Variants in HSDL1 observed in about 807,000 individuals in gnomAD.
HSDL1 encodes the protein inactive hydroxysteroid dehydrogenase-like protein 1.
A neutral mutation model predicts 31.5 loss-of-function variants in HSDL1; 29 were observed. That is an observed-to-expected ratio of 0.92 (90% CI 0.69 to 1.26). The LOEUF is 1.26. HSDL1 is among the 50% of genes most tolerant of loss of function. HSDL1 has a pLI of 0.00. For synonymous variants in HSDL1, 222 were observed against 155.2 expected, an observed-to-expected ratio of 1.43 and a Z score of -3.20; for missense variants, 503 against 416.6, an observed-to-expected ratio of 1.21 and a Z score of -1.81.
chr16:84,125,463 T>C (rs1187899710), intron 5 of HSDL1, among the ~76,000 whole-genome samples: 1 of 136,534 alleles, frequency 7.3e-6, no homozygotes, highest in Non-Finnish European at 1.6e-5. Flanking sequence ...TACCCACCAA[T>C]CAATCACAAT....
chr16:84,138,691 C>G (rs1175507691), intron 1 of HSDL1, among the ~76,000 whole-genome samples: 1 of 152,174 alleles, frequency 6.6e-6, no homozygotes, highest in Non-Finnish European at 1.5e-5. Context: ...ACTAAAACAT[C>G]TGTGAACAAA....
chr16:84,127,209 C>T (rs372798675), intron 5 of HSDL1, among the ~76,000 whole-genome samples: 86 of 93,386 alleles, frequency 9.2e-4, no homozygotes, highest in Non-Finnish European at 1.4e-3. Context: ...ACTGTTTCTT[C>T]TTTTTTTTTT....
rs569394045 is a variant in HSDL1, at chr16:84,123,670, G to A, written c.*960C>T. On this transcript the variant is annotated 3_prime_UTR_variant, in exon 6 of 6. Coordinates refer to ENST00000219439, the MANE Select transcript of HSDL1 (RefSeq NM_031463.5). ...ACTATTTCTATCAATAATGCTACTG[G>A]AATGGAATAATATTACATAGAAAAA... 1.3e-5 allele frequency: 2 copies of A among 152,602 alleles called. No homozygotes were observed. The highest frequency in any genetic ancestry group is 4.2e-4 in the South Asian group (2 of 4,814). 9.5% of individuals were successfully genotyped at this position (152,602 alleles called of 1,614,324 possible).
intron 1 of HSDL1, among the ~76,000 whole-genome samples, chr16:84,141,814 T>C (rs770347273): frequency 4.7e-4 from 71 of 152,254 alleles, no homozygotes; most frequent in Non-Finnish European, 8.5e-4. Flanking sequence ...TGCCCGTTCC[T>C]ATCTTTTGTC....
In HSDL1 at chr16:84,145,129, C is replaced by A. The variant is rs2086837970; in HGVS notation, c.-118G>T. 1 of 188,972 alleles carries A rather than the reference C, an allele frequency of 5.3e-6. No homozygotes were observed. Among genetic ancestry groups the A allele is most frequent in the South Asian group, 1.9e-4 (1 of 5,330 alleles). 11.7% of individuals were successfully genotyped at this position (188,972 alleles called of 1,614,324 possible). ...ACCGGTCCCGCCAGACCCGCGCGGC[C>A]GCCGCCCCCGTCTCGGCCGCCGGAG... is the stretch of plus-strand genomic sequence containing the variant. On this transcript the variant is annotated 5_prime_UTR_variant, in exon 1 of 6. Transcript: ENST00000219439.
At chr16:84,144,680 T>C (rs2151195444) in intron 1 of HSDL1, among the ~76,000 whole-genome samples, 1 of 144,682 alleles carries the variant, frequency 6.9e-6, no homozygotes, top group Admixed American at 6.8e-5. Flanking sequence ...AGGAGCCGGG[T>C]GAGAGGCTGC....
intron 1 of HSDL1, among the ~76,000 whole-genome samples, chr16:84,141,177 T>C (rs1189086440): frequency 6.6e-6 from 1 of 152,132 alleles, no homozygotes; most frequent in African/African-American, 2.4e-5. Context: ...CTTTGGTGAC[T>C]TGTTTCTTTC....
Position 84,123,314 on chromosome 16 carries a change from C to T in HSDL1, c.*1316G>A, listed in dbSNP as rs2086572904. Reference sequence around the variant, plus strand: ...ACAGAAGTCCAGACTTTTAACCAATCTACTAGCTTCTGCATCAGTATCACA... The same window carrying T: ...ACAGAAGTCCAGACTTTTAACCAATTTACTAGCTTCTGCATCAGTATCACA... On this transcript the variant is annotated 3_prime_UTR_variant, in exon 6 of 6. Transcript: ENST00000219439. 2 of 152,228 alleles carry T rather than the reference C, an allele frequency of 1.3e-5. No individual in the cohort carries two copies. Among genetic ancestry groups the T allele is most frequent in the African/African-American group, 4.8e-5 (2 of 41,448 alleles). 9.4% of individuals were successfully genotyped at this position (152,228 alleles called of 1,614,324 possible).
At chr16:84,127,428 C>T (rs2086620320) in intron 5 of HSDL1, among the ~76,000 whole-genome samples, 1 of 151,596 alleles carries the variant, frequency 6.6e-6, no homozygotes, top group Non-Finnish European at 1.5e-5. Context: ...GTTGGCAAGG[C>T]TGGTCTCGAA....
chr16:84,125,934 TCTA>T (rs2086602175), intron 5 of HSDL1, among the ~76,000 whole-genome samples: 1 of 151,972 alleles, frequency 6.6e-6, no homozygotes, highest in Non-Finnish European at 1.5e-5. Flanking sequence ...AAACCCCATC[TCTA>T]CTAAAAATAC....
In HSDL1 at chr16:84,129,980, T is replaced by C. The variant is rs760156977; in HGVS notation, c.666+6A>G. 8 of 1,610,810 alleles carry C rather than the reference T, an allele frequency of 5.0e-6. No individual in the cohort carries two copies. In the African/African-American group the frequency reaches 1.1e-4, roughly 22 times the overall value. The stretch of plus-strand genomic sequence containing the variant: ...GGATTTCATCTTCCAGTAAGTAACA[T>C]CTGACCTTAGAAGCAGAAAATGCAG... On this transcript the variant is annotated splice_donor_region_variant and intron_variant, in intron 4 of 5. Transcript: ENST00000219439.
intron 2 of HSDL1, among the ~76,000 whole-genome samples, chr16:84,134,580 C>G (rs1411021270): frequency 6.6e-6 from 1 of 152,098 alleles, no homozygotes; most frequent in Non-Finnish European, 1.5e-5. Flanking sequence ...CCACTGCACT[C>G]CAGCCTGGGC....
chr16:84,142,004 T>G (rs2086773474), intron 1 of HSDL1, among the ~76,000 whole-genome samples: 1 of 152,252 alleles, frequency 6.6e-6, no homozygotes, highest in African/African-American at 2.4e-5. Context: ...CACAGCTCAC[T>G]GCAACCTCCG....
At chr16:84,137,709 C>T (rs187786126) in intron 1 of HSDL1, among the ~76,000 whole-genome samples, 1 of 152,202 alleles carries the variant, frequency 6.6e-6, no homozygotes, top group Non-Finnish European at 1.5e-5. Context: ...CTTCCCCACC[C>T]TTCTGTACAT....
chr16:84,128,101 CA>C (rs2086627192), intron 5 of HSDL1, among the ~76,000 whole-genome samples: 2 of 151,276 alleles, frequency 1.3e-5, no homozygotes, highest in Non-Finnish European at 2.9e-5. Flanking sequence ...CCAGCCTGAC[CA>C]ACATGGTGAA....
At chr16:84,139,527 C>T (rs947222704) in intron 1 of HSDL1, among the ~76,000 whole-genome samples, 12 of 152,204 alleles carry the variant, frequency 7.9e-5, no homozygotes, top group African/African-American at 2.7e-4. Flanking sequence ...CTGCTGACAC[C>T]TTGACTTTAG....
intron 5 of HSDL1, among the ~76,000 whole-genome samples, chr16:84,125,471 A>G (rs2086597048): frequency 6.6e-6 from 1 of 150,958 alleles, no homozygotes; most frequent in Non-Finnish European, 1.5e-5. Context: ...AATCAATCAC[A>G]ATAAATACCC....
intron 1 of HSDL1, among the ~76,000 whole-genome samples, chr16:84,144,049 CCTCCCT>C (rs930146202): frequency 1.3e-4 from 19 of 147,018 alleles, no homozygotes; most frequent in East Asian, 4.1e-4. Flanking sequence ...TCCCCCTCCC[CCTCCCT>C]CTCCCTCTCC....
chr16:84,137,504 G>A (rs528066753), intron 1 of HSDL1, among the ~76,000 whole-genome samples: 1 of 152,284 alleles, frequency 6.6e-6, no homozygotes, highest in South Asian at 2.1e-4. Context: ...GGAAGGTAAC[G>A]CAGCAGGGGA....
Sources: gnomAD v4.1 joint callset for allele counts (sites outside exome capture counted in the v4.1 genomes callset) on GRCh38, gnomAD v4.1.1 for gene constraint, MANE v1.5 for transcripts, NCBI Gene and HGNC (gene_info 2026-07-23, HGNC 2026-07-21) for gene names.